The following NTNG2 variants were observed in gnomAD, a reference collection of about 807,000 sequenced individuals.
The protein encoded by NTNG2 is netrin-G2.
Under a neutral mutation model 47.6 loss-of-function variants are expected in NTNG2, and 15 were observed. The observed-to-expected ratio is 0.32, with a 90% CI of 0.21 to 0.49. The LOEUF is 0.49. Among genes scored for constraint, NTNG2 ranks in the 20% least tolerant of loss-of-function variants. The pLI is 0.99. For missense variants in NTNG2, 578 were observed against 764.6 expected (o/e 0.76, Z 2.88); for synonymous variants, 307 against 324.6 (o/e 0.95, Z 0.58).
chr9:132,204,675 C>T (rs1365151267), intron 3 of NTNG2, among the ~76,000 whole-genome samples: 1 of 152,134 alleles, frequency 6.6e-6, no homozygotes, highest in East Asian at 1.9e-4. Context: ...TCCCATAGCC[C>T]AGGTAGCATC....
intron 4 of NTNG2, among the ~76,000 whole-genome samples, chr9:132,229,821 A>G (rs1207953714): frequency 6.6e-6 from 1 of 152,182 alleles, no homozygotes; most frequent in Non-Finnish European, 1.5e-5. Context: ...ACCGTGGGGA[A>G]AGCTGTGGCA....
In NTNG2 at chr9:132,231,871, G is replaced by A. The variant is rs768080401; in HGVS notation, c.1054+1276G>A. 3 of 156,650 alleles carry A rather than the reference G, an allele frequency of 1.9e-5. No homozygotes were observed. Among genetic ancestry groups the A allele is most frequent in the African/African-American group, 7.2e-5 (3 of 41,478 alleles). The allele number at this position is 156,650 out of a possible 1,614,324, so 9.7% of individuals were successfully genotyped here. A position where few individuals can be genotyped will look rare whatever the true frequency, so the allele number is the denominator to read the frequency against. On this transcript the variant is annotated intron_variant, in intron 5 of 7. Transcript: ENST00000393229. This position sits in a 1 kb window ranked among gnomAD's most constrained non-coding sequence, Gnocchi z 4.1. ...GGTCCCTGCCTCTCTTGGGGTGGGA[G>A]GGTCGGCAGCCCTGGGCAGAGAGCA...
At chr9:132,194,214 G>A (rs1461428336) in intron 2 of NTNG2, among the ~76,000 whole-genome samples, 5 of 152,158 alleles carry the variant, frequency 3.3e-5, no homozygotes, top group East Asian at 1.9e-4. Flanking sequence ...GGGAAGGGGG[G>A]CATGTGCCTG....
rs1841186930 is a variant in NTNG2 at position 132,231,155 on chromosome 9, GA to G, written c.1054+561del. ...CAGGTCCCAGGGGAGTCGGACCAGG[GA>G]GGGGCATCTGCAGGAGGTGGGGGTC... On this transcript the variant is annotated intron_variant, in intron 5 of 7. Coordinates refer to ENST00000393229, the MANE Select transcript of NTNG2 (RefSeq NM_032536.4). This position sits in a 1 kb window ranked among gnomAD's most constrained non-coding sequence, Gnocchi z 4.1. 1 of 381,092 alleles carries G rather than the reference GA, an allele frequency of 2.6e-6. No individual in the cohort carries two copies. Among genetic ancestry groups the G allele is most frequent in the South Asian group, 1.9e-5 (1 of 52,708 alleles). 23.6% of individuals were successfully genotyped at this position (381,092 alleles called of 1,614,324 possible).
chr9:132,228,056 CG>C (rs1439285849), intron 4 of NTNG2, among the ~76,000 whole-genome samples: 2 of 152,236 alleles, frequency 1.3e-5, no homozygotes, highest in African/African-American at 4.8e-5. Context: ...CAGCGAACCT[CG>C]GGGCCCTCCC....
intron 3 of NTNG2, among the ~76,000 whole-genome samples, chr9:132,204,112 C>G (rs1271184891): frequency 6.6e-6 from 1 of 152,212 alleles, no homozygotes; most frequent in African/African-American, 2.4e-5. Flanking sequence ...GCATTGCATC[C>G]TCACCCCCTT....
rs1236824280 is a variant in NTNG2, at chr9:132,208,729, A to C, written c.857+10120A>C. On this transcript the variant is annotated intron_variant, in intron 3 of 7. Transcript: ENST00000393229. The surrounding 1 kb of genome is among the most constrained non-coding windows in gnomAD (Gnocchi z 4.0). ...TTTTCTGGAGGGGAATTTTTTTTTT[A>C]TTTCTTAATTTTTTATTTTTATATT... Among the ~76,000 whole-genome samples the C allele has an allele frequency of 6.6e-6, 1 of 151,294 alleles. No homozygotes were observed. The highest frequency in any genetic ancestry group is 1.5e-5 in the Non-Finnish European group (1 of 67,816).
At chr9:132,234,315 A>T (rs1841465127) in intron 5 of NTNG2, among the ~76,000 whole-genome samples, 1 of 152,182 alleles carries the variant, frequency 6.6e-6, no homozygotes, top group South Asian at 2.1e-4. Context: ...GGCGTGAGCC[A>T]CCGCACCCGG....
intron 7 of NTNG2, chr9:132,241,430 G>A (rs1216237307): frequency 5.8e-6 from 2 of 345,778 alleles, no homozygotes; most frequent in Admixed American, 4.7e-5. Flanking sequence ...CTCGGGGCGG[G>A]GCCTGATGCG....
intron 2 of NTNG2, among the ~76,000 whole-genome samples, chr9:132,175,893 A>G (rs1456142640): frequency 6.6e-6 from 1 of 152,236 alleles, no homozygotes; most frequent in East Asian, 1.9e-4. Flanking sequence ...AGGGAAATCC[A>G]GATTGGTCAG....
intron 3 of NTNG2, among the ~76,000 whole-genome samples, chr9:132,219,545 C>G (rs950969712): frequency 7.0e-6 from 1 of 142,942 alleles, no homozygotes; most frequent in African/African-American, 2.7e-5. Flanking sequence ...TGTACTCCAG[C>G]CTGGGTGACA....
At chr9:132,211,582 A>G (rs1415530942) in intron 3 of NTNG2, among the ~76,000 whole-genome samples, 2 of 152,112 alleles carry the variant, frequency 1.3e-5, no homozygotes, top group African/African-American at 4.8e-5. Context: ...GGGCTGGCCT[A>G]GGGGCTAGTC....
Position 132,213,331 on chromosome 9 carries a change from CAAAAAAAAAAAA to C in NTNG2, c.858-13499_858-13488del, listed in dbSNP as rs61393543. Reference sequence around the variant, plus strand: ...GCGATGACAGAGTAAGACTCCATCTCAAAAAAAAAAAAAAAAAAAAAAAAAAAAAAGAAGGAC... The same window carrying C: ...GCGATGACAGAGTAAGACTCCATCTCAAAAAAAAAAAAAAAAAAGAAGGAC... On this transcript the variant is annotated intron_variant, in intron 3 of 7. Coordinates refer to ENST00000393229, the MANE Select transcript of NTNG2 (RefSeq NM_032536.4). Among the ~76,000 whole-genome samples, 273 of 104,354 alleles carry C rather than the reference CAAAAAAAAAAAA, an allele frequency of 2.6e-3. 3 individuals carry two copies. The highest frequency in any genetic ancestry group is 7.5e-3 in the African/African-American group (244 of 32,586). 68.5% of individuals were successfully genotyped at this position (104,354 alleles called of 152,430 possible).
Position 132,166,773 on chromosome 9 carries a change from G to T in NTNG2, c.-59G>T. 6.5e-7 allele frequency: 1 copy of T among 1,550,362 alleles called. No homozygotes were observed. Among genetic ancestry groups the T allele is most frequent in the South Asian group, 1.1e-5 (1 of 89,734 alleles). On this transcript the variant is annotated 5_prime_UTR_variant, in exon 2 of 8. An upstream open reading frame in the 5' UTR loses its in-frame stop. Coordinates refer to ENST00000393229, the MANE Select transcript of NTNG2 (RefSeq NM_032536.4). Reference sequence around the variant, plus strand: ...CATGCTGAGGCCGCGAGTCCCGCCTGACCCCGTCGCTGCCTCTCCAGGGCT... The same window carrying T: ...CATGCTGAGGCCGCGAGTCCCGCCTTACCCCGTCGCTGCCTCTCCAGGGCT...
chr9:132,176,398 G>A (rs907498347), intron 2 of NTNG2, among the ~76,000 whole-genome samples: 8 of 152,146 alleles, frequency 5.3e-5, no homozygotes. Context: ...TTGTCTCCAT[G>A]AATTTAGCTA....
Position 132,241,901 on chromosome 9 carries a change from G to C in NTNG2, c.1383G>C (p.Leu461=), listed in dbSNP as rs1354914646. ...CCAACGTGTGCGACGACGACCAGCT[G>C]CTGTGCCAGAACGGAGGCACCTGCC... The part of the protein sequence containing the change: ...CYPNVCDDDQ[L]LCQNGGTCLQ... The change falls in exon 8 of 8, where the codon CTG becomes CTC. Residue 461 remains leucine (L), a synonymous_variant. Coordinates refer to ENST00000393229, the MANE Select transcript of NTNG2 (RefSeq NM_032536.4). 6.3e-7 allele frequency: 1 copy of C among 1,578,014 alleles called. No homozygotes were observed. Among genetic ancestry groups the C allele is most frequent in the Non-Finnish European group, 8.6e-7 (1 of 1,168,632 alleles).
At position 132,211,340 on chromosome 9, in the gene NTNG2, T is replaced by A. The variant is rs549595321; in HGVS notation, c.857+12731T>A. Among the ~76,000 whole-genome samples, 4 of 152,266 alleles carry A rather than the reference T, an allele frequency of 2.6e-5. No homozygotes were observed. The South Asian group carries it at 8.3e-4, about 32-fold the overall frequency. ...AGAGAGGTGCAGGCTGGCGTCAGGATTTGGTTTCGGGACATGACTGGCCTC... is the reference window on the plus strand; with the variant it reads ...AGAGAGGTGCAGGCTGGCGTCAGGAATTGGTTTCGGGACATGACTGGCCTC... On this transcript the variant is annotated intron_variant, in intron 3 of 7. Transcript: ENST00000393229.
chr9:132,223,886 G>T (rs7022678), intron 3 of NTNG2, among the ~76,000 whole-genome samples: 4,199 of 151,986 alleles, frequency 0.028, 201 homozygotes, highest in African/African-American at 0.095. Context: ...GTAAAATCCC[G>T]CCTCCGTCTC....
At position 132,206,855 on chromosome 9, in the gene NTNG2, C is replaced by T. The variant is rs144337794; in HGVS notation, c.857+8246C>T. The stretch of plus-strand genomic sequence containing the variant: ...CACATCAGCCTCCACTGAGAAGTGC[C>T]GGTGTTGGGAAGGGGCCAGACTATG... On this transcript the variant is annotated intron_variant, in intron 3 of 7. Transcript: ENST00000393229. Among the ~76,000 whole-genome samples, 17 of 152,326 alleles carry T rather than the reference C, an allele frequency of 1.1e-4. No homozygotes were observed. The East Asian group carries it at 3.1e-3, about 28-fold the overall frequency.
Sources: allele counts gnomAD v4.1 joint callset (sites outside exome capture counted in the v4.1 genomes callset), GRCh38; gene constraint gnomAD v4.1.1; non-coding constraint Gnocchi (gnomAD v3.1); transcripts MANE v1.5; gene names NCBI Gene and HGNC (gene_info 2026-07-23, HGNC 2026-07-21).